Variants in AGBL4 observed in about 807,000 individuals in gnomAD.
AGBL4 encodes the protein AGBL carboxypeptidase 4.
In AGBL4, 58 loss-of-function variants were observed where a neutral mutation model predicts 66.4. The observed-to-expected ratio is 0.87, with a 90% confidence interval of 0.71 to 1.09. The LOEUF is 1.09. Among genes scored for constraint, AGBL4 ranks in the 50% least tolerant of loss-of-function variants. AGBL4 has a pLI of 0.00. For missense variants in AGBL4, 579 were observed against 631.0 expected (o/e 0.92, Z 0.88); for synonymous variants, 234 against 222.9 (o/e 1.05, Z -0.44).
intron 4 of AGBL4, among the ~76,000 whole-genome samples, chr1:49,214,477 G>T (rs1369373825): frequency 6.6e-6 from 1 of 152,100 alleles, no homozygotes; most frequent in East Asian, 1.9e-4. Flanking sequence ...TGCCTCTCCA[G>T]GTGTGGGACT....
intron 5 of AGBL4, among the ~76,000 whole-genome samples, chr1:48,905,597 AC>A (rs1447902746): frequency 6.6e-6 from 1 of 152,174 alleles, no homozygotes; most frequent in Non-Finnish European, 1.5e-5. Context: ...TCTCTCAATA[AC>A]CCTTTGAAGT....
At chr1:49,740,541 C>A (rs186364693) in intron 2 of AGBL4, among the ~76,000 whole-genome samples, 1 of 152,276 alleles carries the variant, frequency 6.6e-6, no homozygotes, top group African/African-American at 2.4e-5. Context: ...AGCTCTGCAC[C>A]AAGCAGACCT....
At chr1:49,320,031 A>G (rs1056978684) in intron 3 of AGBL4, among the ~76,000 whole-genome samples, 2 of 152,196 alleles carry the variant, frequency 1.3e-5, no homozygotes, top group African/African-American at 4.8e-5. Context: ...CTCTGGGCTC[A>G]AGACATCCTT....
chr1:49,353,024 CAAACTAGTTT>C (rs1200737635), intron 3 of AGBL4, among the ~76,000 whole-genome samples: 1 of 152,044 alleles, frequency 6.6e-6, no homozygotes, highest in Non-Finnish European at 1.5e-5. Flanking sequence ...AATCTGCATT[CAAACTAGTTT>C]AAGTATTATC....
chr1:48,719,395 C>G (rs576423912), intron 6 of AGBL4, among the ~76,000 whole-genome samples: 2 of 152,278 alleles, frequency 1.3e-5, no homozygotes, highest in East Asian at 3.9e-4. Context: ...TGGGCATCTG[C>G]CCCTCATCAT....
chr1:49,257,174 A>G (rs140104093), intron 3 of AGBL4, among the ~76,000 whole-genome samples: 1 of 152,344 alleles, frequency 6.6e-6, no homozygotes, highest in East Asian at 1.9e-4. Flanking sequence ...GATTGAAAAA[A>G]AAATAGAACC....
chr1:49,949,957 G>A (rs1425455389), intron 1 of AGBL4, among the ~76,000 whole-genome samples: 1 of 143,184 alleles, frequency 7.0e-6, no homozygotes, highest in African/African-American at 2.6e-5. Flanking sequence ...CAACCCAAAT[G>A]CCATATATAT....
chr1:49,340,214 T>C (rs1212169746), intron 3 of AGBL4, among the ~76,000 whole-genome samples: 5 of 71,810 alleles, frequency 7.0e-5, no homozygotes, highest in Admixed American at 6.2e-4. Flanking sequence ...AAATTCTCTA[T>C]GGAAAAAAAA....
intron 10 of AGBL4, among the ~76,000 whole-genome samples, chr1:48,587,371 C>A (rs187352951): frequency 1.3e-5 from 2 of 152,120 alleles, no homozygotes; most frequent in Admixed American, 6.5e-5. Flanking sequence ...CAGTAACTGC[C>A]ACTCAACGAA....
chr1:48,758,194 C>T (rs1644048314), intron 6 of AGBL4, among the ~76,000 whole-genome samples: 1 of 152,180 alleles, frequency 6.6e-6, no homozygotes. Context: ...AGGTCATGTG[C>T]CTCCCTGCTC....
rs201572306 is a variant in AGBL4 at position 48,663,187 on chromosome 1, T to C, written c.689A>G (p.His230Arg). 3.7e-6 allele frequency: 6 copies of C among 1,613,976 alleles called. No homozygotes were observed. Among genetic ancestry groups the C allele is most frequent in the Non-Finnish European group, 5.1e-6 (6 of 1,179,884 alleles). ...QKVVFITGRVHPGETPSSFVC... is the reference protein window; with the variant it reads ...QKVVFITGRVRPGETPSSFVC... The stretch of plus-strand genomic sequence containing the variant: ...AAATGATGAGGGTGTTTCCCCTGGG[T>C]GGACTCGTCCTGTGATGAATACCAC... The change falls in exon 7 of 14, where the codon CAC becomes CGC. Residue 230 changes from histidine to arginine, a missense_variant. Transcript: ENST00000371839.
intron 1 of AGBL4, among the ~76,000 whole-genome samples, chr1:49,928,018 A>G (rs1366829395): frequency 1.3e-5 from 2 of 152,194 alleles, no homozygotes; most frequent in East Asian, 3.9e-4. Context: ...GGAATGTACA[A>G]AAGTTCAAAT....
intron 3 of AGBL4, among the ~76,000 whole-genome samples, chr1:49,298,393 A>G (rs377446074): frequency 6.6e-6 from 1 of 152,180 alleles, no homozygotes; most frequent in Admixed American, 6.5e-5. Context: ...CTGCAGAGTT[A>G]TTACCGTCAT....
chr1:48,640,770 C>T lies in AGBL4; in HGVS notation c.840-6166G>A, dbSNP rs536244718. Among the ~76,000 whole-genome samples, 6 of 152,328 alleles carry T rather than the reference C, an allele frequency of 3.9e-5. No homozygotes were observed. The East Asian group carries it at 1.2e-3, about 29-fold the overall frequency. On this transcript the variant is annotated intron_variant, in intron 8 of 13. Transcript: ENST00000371839. Reference sequence around the variant, plus strand: ...CTAAGCTACTCATTTGTCTGATCTTCCTATCCTGTTCTCTTTCTCGTTTGC... The same window carrying T: ...CTAAGCTACTCATTTGTCTGATCTTTCTATCCTGTTCTCTTTCTCGTTTGC...
intron 6 of AGBL4, among the ~76,000 whole-genome samples, chr1:48,866,588 G>A (rs1648112368): frequency 6.6e-6 from 1 of 152,156 alleles, no homozygotes; most frequent in Non-Finnish European, 1.5e-5. Context: ...CCAAACCAGA[G>A]TAAAATACCT....
At chr1:49,059,958 G>A (rs1644374454) in intron 4 of AGBL4, among the ~76,000 whole-genome samples, 1 of 152,154 alleles carries the variant, frequency 6.6e-6, no homozygotes, top group Admixed American at 6.5e-5. Flanking sequence ...GAAGGGACTT[G>A]CCTTGTCTCA....
At position 48,871,365 on chromosome 1, in the gene AGBL4, G is replaced by GCA. The variant is rs1260716587; in HGVS notation, c.595-4136_595-4135insTG. On this transcript the variant is annotated intron_variant, in intron 5 of 13. Transcript: ENST00000371839. ...TGTGTAGTAGTGGTTGTGTGTGTGT[G>GCA]TGTGTGTGTGTGTGTGTGTGTTTGT... Among the ~76,000 whole-genome samples, 3 of 150,416 alleles carry GCA rather than the reference G, an allele frequency of 2.0e-5. No homozygotes were observed. The East Asian group carries it at 6.8e-4, about 34-fold the overall frequency.
intron 5 of AGBL4, among the ~76,000 whole-genome samples, chr1:48,896,478 T>C (rs1020752644): frequency 1.1e-4 from 17 of 152,246 alleles, no homozygotes; most frequent in African/African-American, 4.1e-4. Flanking sequence ...AGCTTAATTA[T>C]AATCTTATTA....
chr1:49,900,348 C>T (rs138040945), intron 1 of AGBL4, among the ~76,000 whole-genome samples: 8 of 152,106 alleles, frequency 5.3e-5, no homozygotes, highest in Admixed American at 1.3e-4. Flanking sequence ...CAGGTTCAAG[C>T]GATTCTCCTG....
Sources: gnomAD v4.1 joint callset for allele counts (sites outside exome capture counted in the v4.1 genomes callset) on GRCh38, gnomAD v4.1.1 for gene constraint, MANE v1.5 for transcripts, NCBI Gene and HGNC (gene_info 2026-07-23, HGNC 2026-07-21) for gene names.